Variants in CADM2 observed in about 807,000 individuals in gnomAD.
The protein encoded by CADM2 is cell adhesion molecule 2.
Under a neutral mutation model 49.8 loss-of-function variants are expected in CADM2, and 12 were observed. That is an observed-to-expected ratio of 0.24 (90% CI 0.15 to 0.39). The LOEUF is 0.39. CADM2 is among the 10% of genes least tolerant of loss of function. The probability of loss-of-function intolerance (pLI) is 1.00; values close to 1 mark genes in which losing one functional copy is unlikely to be tolerated. For missense variants in CADM2, 378 were observed against 492.3 expected (o/e 0.77, Z 2.20); for synonymous variants, 214 against 175.4 (o/e 1.22, Z -1.74).
chr3:85,057,196 G>C (rs1311745351), intron 1 of CADM2, among the ~76,000 whole-genome samples: 1 of 151,966 alleles, frequency 6.6e-6, no homozygotes, highest in Non-Finnish European at 1.5e-5. Flanking sequence ...TCAAATCTAA[G>C]AAATACTTGG....
At chr3:85,968,647 G>A (rs1559772863) in intron 8 of CADM2, among the ~76,000 whole-genome samples, 1 of 151,550 alleles carries the variant, frequency 6.6e-6, no homozygotes, top group Non-Finnish European at 1.5e-5. Flanking sequence ...TATAAAATAA[G>A]GTAAAGAGAA....
At chr3:85,257,172 G>C (rs1272762437) in intron 1 of CADM2, among the ~76,000 whole-genome samples, 1 of 152,004 alleles carries the variant, frequency 6.6e-6, no homozygotes. Context: ...TTCAATACTT[G>C]CTCTTAACCA....
chr3:85,008,324 T>C (rs2033837328), intron 1 of CADM2, among the ~76,000 whole-genome samples: 1 of 152,200 alleles, frequency 6.6e-6, no homozygotes, highest in African/African-American at 2.4e-5. Flanking sequence ...GAAGAGCACA[T>C]TCACTTTATT....
chr3:85,293,340 G>A (rs1286952119), intron 1 of CADM2, among the ~76,000 whole-genome samples: 3 of 151,018 alleles, frequency 2.0e-5, no homozygotes, highest in Non-Finnish European at 4.4e-5. Flanking sequence ...TGGATTCACA[G>A]CCGAATTCTA....
chr3:85,265,435 G>A (rs1225463991), intron 1 of CADM2, among the ~76,000 whole-genome samples: 1 of 151,892 alleles, frequency 6.6e-6, no homozygotes, highest in Non-Finnish European at 1.5e-5. Flanking sequence ...GTCTGTTAAG[G>A]GCCATCTTGT....
chr3:85,230,258 A>G (rs1027556922), intron 1 of CADM2, among the ~76,000 whole-genome samples: 3 of 152,182 alleles, frequency 2.0e-5, no homozygotes, highest in African/African-American at 2.4e-5. Flanking sequence ...TAACTTTATT[A>G]TTTGGATGGA....
intron 1 of CADM2, among the ~76,000 whole-genome samples, chr3:85,366,435 A>G (rs1357441375): frequency 6.6e-6 from 1 of 152,228 alleles, no homozygotes; most frequent in Non-Finnish European, 1.5e-5. Context: ...GCCAAAATGC[A>G]GTGAACCAAG....
At chr3:85,516,597 T>C (rs2060909323) in intron 1 of CADM2, among the ~76,000 whole-genome samples, 2 of 152,102 alleles carry the variant, frequency 1.3e-5, no homozygotes, top group African/African-American at 2.4e-5. Flanking sequence ...ATAAGCAGTA[T>C]ATATTTAGTG....
chr3:85,736,631 G>A (rs1004157972), intron 2 of CADM2, among the ~76,000 whole-genome samples: 1 of 152,022 alleles, frequency 6.6e-6, no homozygotes, highest in South Asian at 2.1e-4. Context: ...TCTTTTTTCT[G>A]TTGGGTTTTT....
intron 1 of CADM2, among the ~76,000 whole-genome samples, chr3:84,969,503 CTA>C (rs1250024669): frequency 7.6e-6 from 1 of 131,992 alleles, no homozygotes; most frequent in East Asian, 2.0e-4. Flanking sequence ...AATGTCTGGT[CTA>C]TCTTTTTTTT....
intron 1 of CADM2, among the ~76,000 whole-genome samples, chr3:85,401,695 C>A (rs185476092): frequency 6.6e-6 from 1 of 152,054 alleles, no homozygotes; most frequent in Admixed American, 6.6e-5. Context: ...TTGGAGGGAC[C>A]CTGTAGTCCT....
chr3:86,033,252 TACAATACTTG>T (rs1210342708), intron 8 of CADM2, among the ~76,000 whole-genome samples: 1 of 152,012 alleles, frequency 6.6e-6, no homozygotes, highest in Non-Finnish European at 1.5e-5. Context: ...GTCTTTATCT[TACAATACTTG>T]ACAAACTTTT....
intron 7 of CADM2, among the ~76,000 whole-genome samples, chr3:85,955,119 ATATT>A (rs1431002348): frequency 2.6e-5 from 4 of 151,526 alleles, no homozygotes; most frequent in African/African-American, 9.6e-5. Flanking sequence ...TAAGATATAA[ATATT>A]TGAAATTTTT....
intron 1 of CADM2, among the ~76,000 whole-genome samples, chr3:85,429,502 C>A (rs541169697): frequency 2.9e-4 from 44 of 151,966 alleles, no homozygotes; most frequent in Non-Finnish European, 3.1e-4. Context: ...GACAGATAAG[C>A]CATGTTAACT....
chr3:85,180,263 CTT>C (rs1383463769), intron 1 of CADM2, among the ~76,000 whole-genome samples: 1 of 151,976 alleles, frequency 6.6e-6, no homozygotes, highest in African/African-American at 2.4e-5. Context: ...AATCCCAGCA[CTT>C]TGGGAGGTTG....
rs77948260 is a variant in CADM2 at position 85,791,638 on chromosome 3, A to T, written c.89-10409A>T. On this transcript the variant is annotated intron_variant, in intron 2 of 9. Coordinates refer to ENST00000383699, the MANE Select transcript of CADM2 (RefSeq NM_001167675.2). ...TGAAAATAGTTGAGGGGAAAAACTT[A>T]AAGAATAGTAGGCTAGCATTGTACT... Among the ~76,000 whole-genome samples, 3 of 152,202 alleles carry T rather than the reference A, an allele frequency of 2.0e-5. No individual in the cohort carries two copies. In the East Asian group the frequency reaches 5.8e-4, roughly 29 times the overall value.
At chr3:85,671,641 C>T (rs975980943) in intron 1 of CADM2, among the ~76,000 whole-genome samples, 1 of 152,148 alleles carries the variant, frequency 6.6e-6, no homozygotes, top group Admixed American at 6.5e-5. Flanking sequence ...GCCACACTGG[C>T]CTTTTTCCTA....
chr3:85,004,261 C>A (rs1438085260), intron 1 of CADM2, among the ~76,000 whole-genome samples: 1 of 152,086 alleles, frequency 6.6e-6, no homozygotes, highest in Admixed American at 6.6e-5. Context: ...TTAACACATA[C>A]ATAACACAAA....
chr3:85,479,145 G>T (rs1176158974), intron 1 of CADM2, among the ~76,000 whole-genome samples: 2 of 151,642 alleles, frequency 1.3e-5, no homozygotes, highest in Non-Finnish European at 2.9e-5. Flanking sequence ...TTAGAGATGG[G>T]ATGTCCCTGT....
Sources: allele counts gnomAD v4.1 joint callset (sites outside exome capture counted in the v4.1 genomes callset), GRCh38; gene constraint gnomAD v4.1.1; transcripts MANE v1.5; gene names NCBI Gene and HGNC (gene_info 2026-07-23, HGNC 2026-07-21).